CDH13: variants seen among roughly 807,000 people sequenced by gnomAD.
The protein encoded by CDH13 is cadherin-13.
CDH13 carries 24 observed loss-of-function variants against 63.8 expected under a neutral mutation model. The observed-to-expected ratio is 0.38, with a 90% CI of 0.27 to 0.53. The LOEUF is 0.53. Among genes scored for constraint, CDH13 ranks in the 20% least tolerant of loss-of-function variants. CDH13 has a pLI of 0.85. For missense variants in CDH13, 1,049 were observed against 903.1 expected, an observed-to-expected ratio of 1.16 and a Z score of -2.07; for synonymous variants, 503 against 355.3, an observed-to-expected ratio of 1.42 and a Z score of -4.67.
intron 10 of CDH13, among the ~76,000 whole-genome samples, chr16:83,733,089 A>G (rs1360343598): frequency 6.6e-6 from 1 of 152,198 alleles, no homozygotes; most frequent in Non-Finnish European, 1.5e-5. Context: ...GATCACTGCA[A>G]ACTCCCCAGT....
intron 2 of CDH13, among the ~76,000 whole-genome samples, chr16:82,950,423 G>T (rs145979669): frequency 6.6e-6 from 1 of 151,982 alleles, no homozygotes; most frequent in African/African-American, 2.4e-5. Flanking sequence ...GTTATGGGAG[G>T]GACTGGGTGG....
chr16:83,282,625 T>G (rs895620162), intron 5 of CDH13, among the ~76,000 whole-genome samples: 1 of 152,132 alleles, frequency 6.6e-6, no homozygotes, highest in Admixed American at 6.5e-5. Context: ...ACAGTTACTG[T>G]CCTTAGTGTA....
intron 6 of CDH13, among the ~76,000 whole-genome samples, chr16:83,484,472 T>A (rs1461741419): frequency 6.6e-6 from 1 of 152,222 alleles, no homozygotes; most frequent in Non-Finnish European, 1.5e-5. Flanking sequence ...CTAATCCAAA[T>A]GTGGTAGCAA....
chr16:83,368,985 T>A (rs2151394916), intron 6 of CDH13, among the ~76,000 whole-genome samples: 1 of 131,454 alleles, frequency 7.6e-6, no homozygotes, highest in African/African-American at 3.0e-5. Context: ...CTTGGCCTGG[T>A]TCCATGTTCT....
intron 5 of CDH13, among the ~76,000 whole-genome samples, chr16:83,235,492 A>G (rs1204308489): frequency 2.0e-5 from 3 of 150,882 alleles, no homozygotes; most frequent in Admixed American, 1.3e-4. Flanking sequence ...GCCGGGCCCC[A>G]CTCCTACCCC....
chr16:83,202,317 C>T (rs902293288), intron 4 of CDH13, among the ~76,000 whole-genome samples: 2 of 152,154 alleles, frequency 1.3e-5, no homozygotes, highest in African/African-American at 4.8e-5. Context: ...TGTGGACAAA[C>T]TCAGCAAAAG....
At chr16:82,730,491 C>G (rs1191461908) in intron 1 of CDH13, among the ~76,000 whole-genome samples, 1 of 152,192 alleles carries the variant, frequency 6.6e-6, no homozygotes, top group African/African-American at 2.4e-5. Context: ...CGTTAGCCTT[C>G]TTGTATGGGC....
intron 6 of CDH13, among the ~76,000 whole-genome samples, chr16:83,379,938 T>TATATATATAGAGAGAGAG: frequency 3.6e-4 from 44 of 123,452 alleles, no homozygotes; most frequent in Non-Finnish European, 3.9e-4. Context: ...TATATATATA[T>TATATATATAGAGAGAGAG]AGAGAGAGAG....
intron 6 of CDH13, among the ~76,000 whole-genome samples, chr16:83,472,716 C>A (rs181071647): frequency 2.7e-4 from 41 of 152,292 alleles, no homozygotes; most frequent in Admixed American, 2.3e-3. Flanking sequence ...TGGGGAAGAG[C>A]ATTTAAAACC....
chr16:83,363,062 C>A (rs945113711), intron 6 of CDH13, among the ~76,000 whole-genome samples: 3 of 152,140 alleles, frequency 2.0e-5, no homozygotes, highest in African/African-American at 7.2e-5. Flanking sequence ...CAAACATCAC[C>A]AGGAGGAAAT....
chr16:83,772,242 T>G (rs1914806025), intron 11 of CDH13, among the ~76,000 whole-genome samples: 1 of 102,260 alleles, frequency 9.8e-6, no homozygotes, highest in South Asian at 3.2e-4. Flanking sequence ...GAAAAATCTA[T>G]ACTGGCTAAA....
intron 2 of CDH13, among the ~76,000 whole-genome samples, chr16:82,880,143 A>C (rs1268154763): frequency 2.6e-5 from 4 of 151,758 alleles, no homozygotes; most frequent in Non-Finnish European, 4.4e-5. Context: ...GATCATACCT[A>C]CTGATCAGTG....
intron 6 of CDH13, among the ~76,000 whole-genome samples, chr16:83,441,419 T>C (rs999028189): frequency 2.2e-4 from 33 of 152,370 alleles, no homozygotes; most frequent in East Asian, 7.7e-4. Context: ...GTAAAACTTA[T>C]GTTCCTACCA....
At chr16:83,794,062 C>T (rs1468390953) in intron 13 of CDH13, among the ~76,000 whole-genome samples, 1 of 152,156 alleles carries the variant, frequency 6.6e-6, no homozygotes, top group Admixed American at 6.5e-5. Context: ...ATGCAGGCAA[C>T]CCTTAGAGGC....
chr16:83,379,793 TTAAAAA>T lies in CDH13; in HGVS notation c.781+34792_781+34797del, dbSNP rs1555538623. Reference sequence around the variant, plus strand: ...AATGGGTGAATGGCTAATAAAAACTTTAAAAATAAATATAAAACTGCCATTCAAAGG... The same window carrying T: ...AATGGGTGAATGGCTAATAAAAACTTTAAATATAAAACTGCCATTCAAAGG... On this transcript the variant is annotated intron_variant, in intron 6 of 13. Transcript: ENST00000567109. Among the ~76,000 whole-genome samples the T allele has an allele frequency of 5.7e-4, 87 of 151,958 alleles. 2 individuals are homozygous for T. Among genetic ancestry groups the T allele is most frequent in the Non-Finnish European group, 8.8e-5 (6 of 67,984 alleles).
rs62035223 is a variant in CDH13 at position 82,888,340 on chromosome 16, C to G, written c.157+29867C>G. 4.6e-5 allele frequency among the ~76,000 whole-genome samples: 7 copies of G among 152,310 alleles called. No individual in the cohort carries two copies. In the South Asian group the frequency reaches 1.2e-3, roughly 27 times the overall value. ...TGTGACAGGGAATATTGTGAAGCTG[C>G]TGGACTGGGCCTGTGGGTTGCCTGT... On this transcript the variant is annotated intron_variant, in intron 2 of 13. Coordinates refer to ENST00000567109, the MANE Select transcript of CDH13 (RefSeq NM_001257.5).
chr16:83,330,726 G>A (rs1288028409), intron 5 of CDH13, among the ~76,000 whole-genome samples: 1 of 152,190 alleles, frequency 6.6e-6, no homozygotes, highest in Admixed American at 6.5e-5. Context: ...CTGGGAATGG[G>A]GTGGCGTGGG....
At chr16:82,929,061 C>T (rs1412512361) in intron 2 of CDH13, among the ~76,000 whole-genome samples, 2 of 152,066 alleles carry the variant, frequency 1.3e-5, no homozygotes, top group Non-Finnish European at 2.9e-5. Flanking sequence ...TTTTTGGAAC[C>T]ATTGTTTGTA....
chr16:82,675,229 G>C (rs2873648), intron 1 of CDH13, among the ~76,000 whole-genome samples: 129,957 of 152,242 alleles, frequency 0.85, 55,759 homozygotes, highest in East Asian at 1. Context: ...TCTGACATTA[G>C]GCATTGTGGC....
Sources: allele counts gnomAD v4.1 joint callset (sites outside exome capture counted in the v4.1 genomes callset), GRCh38; gene constraint gnomAD v4.1.1; transcripts MANE v1.5; gene names NCBI Gene and HGNC (gene_info 2026-07-23, HGNC 2026-07-21).